Variants in ALOX12 observed in about 807,000 individuals in gnomAD.
ALOX12 encodes arachidonate 12-lipoxygenase, 12S type.
In ALOX12, 62 loss-of-function variants were observed where a neutral mutation model predicts 85.5. That is an observed-to-expected ratio of 0.73 (90% CI 0.59 to 0.90). ALOX12 has a LOEUF of 0.90. Among genes scored for constraint, ALOX12 ranks in the 40% least tolerant of loss-of-function variants. The pLI, the probability that ALOX12 is intolerant of heterozygous loss-of-function variation, is 0.00. For missense variants in ALOX12, 751 were observed against 856.5 expected, an observed-to-expected ratio of 0.88 and a Z score of 1.54; for synonymous variants, 299 against 332.7, an observed-to-expected ratio of 0.90 and a Z score of 1.10.
At position 7,006,057 on chromosome 17, in the gene ALOX12, GGCC is replaced by G. The variant is rs750425274; in HGVS notation, c.1418+32_1418+34del. On this transcript the variant is annotated intron_variant, in intron 10 of 13. Coordinates refer to ENST00000251535, the MANE Select transcript of ALOX12 (RefSeq NM_000697.3). ...GTAAGGAGGAGCTGAGAAATGGTGG[GGCC>G]GGGGGGGGGGGGGGCTCTGGCCTGA... 173 of 202,894 alleles carry G rather than the reference GGCC, an allele frequency of 8.5e-4. 40 individuals carry two copies. The highest frequency in any genetic ancestry group is 1.1e-3 in the African/African-American group (28 of 25,090). 12.6% of individuals were successfully genotyped at this position (202,894 alleles called of 1,614,324 possible).
rs775032879 is a variant in ALOX12 at position 7,000,322 on chromosome 17, C to T, written c.808-14C>T. ...TTTGAACTCTAAAAATGGATACATC[C>T]CTCCTGTCCCCAGAATGGTTCCCTG... On this transcript the variant is annotated splice_polypyrimidine_tract_variant and intron_variant, in intron 6 of 13. Transcript: ENST00000251535. This position sits in a 1 kb window ranked among gnomAD's most constrained non-coding sequence, Gnocchi z 4.6. The T allele has an allele frequency of 1.2e-6, 2 of 1,613,800 alleles. No individual in the cohort carries two copies. Among genetic ancestry groups the T allele is most frequent in the East Asian group, 4.5e-5 (2 of 44,874 alleles).
intron 7 of ALOX12, 100 bp from the exon 8 acceptor site, chr17:7,001,502 T>C: frequency 8.0e-7 from 1 of 1,247,612 alleles, no homozygotes; most frequent in Non-Finnish European, 1.2e-6. Flanking sequence ...TATAACCTCC[T>C]AGAAGGCAAT....
intron 2 of ALOX12, 140 bp downstream of exon 2, chr17:6,997,167 C>A: frequency 7.1e-7 from 1 of 1,412,834 alleles, no homozygotes; most frequent in Non-Finnish European, 9.2e-7. Flanking sequence ...TCCCAGGGTG[C>A]TGGACAGAAA....
At chr17:6,999,632 A>C in intron 6 of ALOX12, 166 bp downstream of exon 6, 1 of 674,896 alleles carries the variant, frequency 1.5e-6, no homozygotes, top group Non-Finnish European at 2.4e-6. Flanking sequence ...GGAAGAAACT[A>C]TGAGGAGCTC....
In ALOX12 at chr17:7,006,599, A is replaced by C. The variant is rs1345113292; in HGVS notation, c.1532A>C (p.Gln511Pro). ...EITEVGLCQAQDRGFPVSFQS... is the reference protein window; with the variant it reads ...EITEVGLCQAPDRGFPVSFQS... ...ACGGAGGTGGGGCTGTGCCAGGCCC[A>C]GGACCGAGGTAAGATCCATTCTAGA... The change falls in exon 11 of 14, where the codon CAG (glutamine) becomes CCG (proline). Residue 511 changes from glutamine to proline, a missense_variant. By Grantham distance (76) the Gln-to-Pro change is moderately conservative. Transcript: ENST00000251535. The C allele has an allele frequency of 4.4e-6, 7 of 1,604,158 alleles. No homozygotes were observed. Among genetic ancestry groups the C allele is most frequent in the Non-Finnish European group, 3.4e-6 (4 of 1,174,900 alleles).
chr17:7,006,958 CCTAA>C (rs1331007815), intron 11 of ALOX12, among the ~76,000 whole-genome samples: 1 of 152,214 alleles, frequency 6.6e-6, no homozygotes, highest in African/African-American at 2.4e-5. Flanking sequence ...GTTCCGTTTT[CCTAA>C]CTGAGGATGT....
At chr17:7,001,528 T>C (rs1471939691) in intron 7 of ALOX12, 74 bp from the exon 8 acceptor site, 1 of 1,398,896 alleles carries the variant, frequency 7.1e-7, no homozygotes, top group East Asian at 2.3e-5. Flanking sequence ...TACTTAGTCA[T>C]CTCTGTTTCC....
chr17:7,002,437 G>C (rs1455636534), intron 8 of ALOX12: 3 of 463,746 alleles, frequency 6.5e-6, no homozygotes, highest in Admixed American at 4.9e-5. Flanking sequence ...AGAAGTCCAA[G>C]CTTCTGCCAC....
At position 7,001,719 on chromosome 17, in the gene ALOX12, A is replaced by G. The variant is rs776671333; in HGVS notation, c.1069A>G (p.Ile357Val). 1 of 1,614,084 alleles carries G rather than the reference A, an allele frequency of 6.2e-7. No individual in the cohort carries two copies. Among genetic ancestry groups the G allele is most frequent in the Non-Finnish European group, 8.5e-7 (1 of 1,179,978 alleles). Residue 357 changes from isoleucine to valine, a missense_variant, in exon 8 of 14, where the codon ATC becomes GTC. Ile to Val is a conservative substitution (Grantham distance 29, BLOSUM62 3). Coordinates refer to ENST00000251535, the MANE Select transcript of ALOX12 (RefSeq NM_000697.3). Reference protein sequence around the residue: ...VRNSDFQLHEIQYHLLNTHLV... With the variant: ...VRNSDFQLHEVQYHLLNTHLV... ...AAATTCAGATTTCCAACTGCACGAG[A>G]TCCAGTATCACTTGCTGAACACTCA...
intron 9 of ALOX12, 108 bp from the exon 10 acceptor site, chr17:7,005,750 T>C (rs1909011028): frequency 4.8e-6 from 6 of 1,251,068 alleles, no homozygotes; most frequent in African/African-American, 4.4e-5. Flanking sequence ...AAGTGCTGTA[T>C]ACCCATGTCT....
chr17:7,005,708 T>G (rs1350388585), intron 9 of ALOX12, 150 bp from the exon 10 acceptor site: 10 of 738,914 alleles, frequency 1.4e-5, no homozygotes, highest in African/African-American at 8.8e-5. Flanking sequence ...CTCGAACTCC[T>G]GACCTCATGA....
chr17:7,006,245 TG>T, intron 10 of ALOX12, among the ~76,000 whole-genome samples: 1 of 143,450 alleles, frequency 7.0e-6, no homozygotes, highest in Admixed American at 7.0e-5. Flanking sequence ...GGGGGGAGAC[TG>T]GGGGAGGTGT....
At position 6,998,796 on chromosome 17, in the gene ALOX12, T is replaced by G; in HGVS notation, c.501T>G (p.His167Gln). 1 of 1,613,976 alleles carries G rather than the reference T, an allele frequency of 6.2e-7. No individual in the cohort carries two copies. The highest frequency in any genetic ancestry group is 8.5e-7 in the Non-Finnish European group (1 of 1,179,990). The change falls in exon 4 of 14, where the codon CAT becomes CAG. Residue 167 changes from histidine to glutamine, a missense_variant. By Grantham distance (24) the His-to-Gln change is conservative (BLOSUM62 0). Transcript: ENST00000251535. ...ATCTACCTCCAAATATGAGATTCCA[T>G]GAGGAGAAGAGGCTGGACTTTGAAT... ...KDDLPPNMRF[H>Q]EEKRLDFEWT...
chr17:7,008,426 G>C (rs1909195370), intron 11 of ALOX12, among the ~76,000 whole-genome samples: 1 of 152,166 alleles, frequency 6.6e-6, no homozygotes, highest in South Asian at 2.1e-4. Context: ...TATGGGCTTT[G>C]ATTTTCTTAC....
At position 7,005,389 on chromosome 17, in the gene ALOX12, G is replaced by T. The variant is rs764948879; in HGVS notation, c.1248+46G>T. On this transcript the variant is annotated intron_variant, in intron 9 of 13. Coordinates refer to ENST00000251535, the MANE Select transcript of ALOX12 (RefSeq NM_000697.3). The stretch of plus-strand genomic sequence containing the variant: ...GGGACTGCCTCATCCATCTCTCCAT[G>T]ATCTGCCACTTTCAGGATCCAAGAT... The T allele has an allele frequency of 3.2e-5, 47 of 1,484,038 alleles. No homozygotes were observed. The South Asian group carries it at 5.1e-4, about 16-fold the overall frequency. The allele number at this position is 1,484,038 out of a possible 1,614,324, so 91.9% of individuals were successfully genotyped here.
rs1415877211 is a variant in ALOX12, at chr17:6,999,027, T to C, written c.617T>C (p.Ile206Thr). The change falls in exon 5 of 14, where the codon ATC (isoleucine) becomes ACC (threonine). Residue 206 changes from isoleucine (I) to threonine (T), a missense_variant. By Grantham distance (89) the Ile-to-Thr change is moderately conservative (BLOSUM62 -1). Transcript: ENST00000251535. The stretch of plus-strand genomic sequence containing the variant: ...AACTGCCTAGAAGACTTTGATCAGA[T>C]CTTCTGGGGCCAGAAGAGTGCCCTG... ...SWNCLEDFDQ[I>T]FWGQKSALAE... The C allele has an allele frequency of 1.5e-5, 24 of 1,613,832 alleles. No homozygotes were observed. Among genetic ancestry groups the C allele is most frequent in the Non-Finnish European group, 1.9e-5 (23 of 1,180,022 alleles).
At chr17:7,003,375 A>G (rs889005966) in intron 8 of ALOX12, among the ~76,000 whole-genome samples, 3 of 152,174 alleles carry the variant, frequency 2.0e-5, no homozygotes, top group Non-Finnish European at 4.4e-5. Flanking sequence ...TAAAGGTTAA[A>G]ATGACTTAAT....
In ALOX12 at chr17:7,000,624, C is replaced by T. The variant is rs1388589044; in HGVS notation, c.951+145C>T. 2.1e-6 allele frequency: 2 copies of T among 952,888 alleles called. No homozygotes were observed. The highest frequency in any genetic ancestry group is 2.7e-5 in the Admixed American group (1 of 37,340). 59.0% of individuals were successfully genotyped at this position (952,888 alleles called of 1,614,324 possible). Reference sequence around the variant, plus strand: ...TCATGTCACTATTTGCCTGTACCCTCGTCTCCCCTGCCTCATCCAACTAGA... The same window carrying T: ...TCATGTCACTATTTGCCTGTACCCTTGTCTCCCCTGCCTCATCCAACTAGA... On this transcript the variant is annotated intron_variant, in intron 7 of 13. Transcript: ENST00000251535. The surrounding 1 kb of genome is among the most constrained non-coding windows in gnomAD (Gnocchi z 4.6).
At chr17:7,004,267 AACTTAATTT>A (rs1390888787) in intron 8 of ALOX12, among the ~76,000 whole-genome samples, 4 of 142,764 alleles carry the variant, frequency 2.8e-5, no homozygotes, top group East Asian at 4.0e-4. Flanking sequence ...ATATTAATTT[AACTTAATTT>A]AATTAATTTA....
Sources: gnomAD v4.1 joint callset for allele counts (sites outside exome capture counted in the v4.1 genomes callset) on GRCh38, gnomAD v4.1.1 for gene constraint, Gnocchi (gnomAD v3.1) non-coding constraint, MANE v1.5 for transcripts, NCBI Gene and HGNC (gene_info 2026-07-23, HGNC 2026-07-21) for gene names.